Variants in RSRC1 observed in about 807,000 individuals in gnomAD.
The protein encoded by RSRC1 is arginine and serine rich coiled-coil 1.
A neutral mutation model predicts 49.1 loss-of-function variants in RSRC1; 39 were observed. That is an observed-to-expected ratio of 0.79 (90% confidence interval 0.61 to 1.04). The LOEUF (loss-of-function observed/expected upper bound fraction) is 1.04, where lower values mean the gene tolerates loss of function less well. Ranked by LOEUF, RSRC1 falls within the 50% of genes least tolerant of loss-of-function variation. The probability of loss-of-function intolerance (pLI) is 0.00; values close to 1 mark genes in which losing one functional copy is unlikely to be tolerated. For synonymous variants in RSRC1, 143 were observed against 130.8 expected (o/e 1.09, Z -0.63); for missense variants, 388 against 402.4 (o/e 0.96, Z 0.31).
chr3:158,276,538 G>A (rs1193505), intron 4 of RSRC1: 231,908 of 533,632 alleles, frequency 0.43, 52,055 homozygotes, highest in East Asian at 0.62. Context: ...CTCTCAGTTT[G>A]TAAAGAGTTG....
intron 3 of RSRC1, among the ~76,000 whole-genome samples, chr3:158,198,304 G>C (rs1450488541): frequency 6.6e-6 from 1 of 152,042 alleles, no homozygotes; most frequent in Non-Finnish European, 1.5e-5. Context: ...TCAGAGACTA[G>C]GATTGCAACC....
chr3:158,297,029 C>A (rs1425027686), intron 4 of RSRC1, among the ~76,000 whole-genome samples: 4 of 151,878 alleles, frequency 2.6e-5, no homozygotes, highest in African/African-American at 9.6e-5. Context: ...AAGTTGAGAC[C>A]CCTCAGAGAA....
intron 6 of RSRC1, among the ~76,000 whole-genome samples, chr3:158,407,240 G>C (rs531381519): frequency 1.3e-5 from 2 of 152,072 alleles, no homozygotes; most frequent in Admixed American, 1.3e-4. Flanking sequence ...AGAAACACAG[G>C]CTCCAAATGC....
At position 158,344,916 on chromosome 3, in the gene RSRC1, CA is replaced by C. The variant is rs551057952; in HGVS notation, c.532-9940del. 1.1e-3 allele frequency among the ~76,000 whole-genome samples: 161 copies of C among 152,084 alleles called. 1 individual carries two copies. The highest frequency in any genetic ancestry group is 3.6e-3 in the African/African-American group (151 of 41,496). On this transcript the variant is annotated intron_variant, in intron 5 of 9. Transcript: ENST00000611884. Reference sequence around the variant, plus strand: ...TAAGCCAACAAGGAATATAAAATAGCATTATAAAATACCCAATCTAGGCCAG... The same window carrying C: ...TAAGCCAACAAGGAATATAAAATAGCTTATAAAATACCCAATCTAGGCCAG...
intron 4 of RSRC1, among the ~76,000 whole-genome samples, chr3:158,219,468 A>G (rs1019792996): frequency 4.6e-5 from 7 of 151,622 alleles, no homozygotes; most frequent in African/African-American, 1.2e-4. Flanking sequence ...AATTACATTT[A>G]TTAGTTTTTT....
chr3:158,242,726 T>C lies in RSRC1; in HGVS notation c.494+39481T>C, dbSNP rs574442209. Among the ~76,000 whole-genome samples, 40 of 151,410 alleles carry C rather than the reference T, an allele frequency of 2.6e-4. 1 individual carries two copies. Among genetic ancestry groups the C allele is most frequent in the East Asian group, 7.8e-4 (4 of 5,152 alleles). Reference sequence around the variant, plus strand: ...GCCAGCTTCTGTTTTTGTTTTTTTTTCCCCCCTTTTAATAAGCTATTCTAA... The same window carrying C: ...GCCAGCTTCTGTTTTTGTTTTTTTTCCCCCCCTTTTAATAAGCTATTCTAA... On this transcript the variant is annotated intron_variant, in intron 4 of 9. Transcript: ENST00000611884.
chr3:158,157,690 C>T (rs145537283), intron 3 of RSRC1, among the ~76,000 whole-genome samples: 56 of 152,204 alleles, frequency 3.7e-4, no homozygotes, highest in African/African-American at 1.1e-3. Context: ...CCAAGGCAGG[C>T]GGATCACCTG....
intron 5 of RSRC1, among the ~76,000 whole-genome samples, chr3:158,338,056 G>A (rs1730018107): frequency 6.6e-6 from 1 of 152,152 alleles, no homozygotes; most frequent in South Asian, 2.1e-4. Flanking sequence ...AATAGTATTG[G>A]ATCATGAATA....
chr3:158,518,087 A>AGTAC (rs1560073567), intron 7 of RSRC1, among the ~76,000 whole-genome samples: 1 of 106,836 alleles, frequency 9.4e-6, no homozygotes, highest in African/African-American at 3.9e-5. Flanking sequence ...TATGTACGTA[A>AGTAC]GTGCGTGCGT....
intron 6 of RSRC1, among the ~76,000 whole-genome samples, chr3:158,374,752 C>CATTTTGA (rs141383413): frequency 0.52 from 78,486 of 151,042 alleles, 20,715 homozygotes; most frequent in African/African-American, 0.61. Context: ...CATAAAAGGT[C>CATTTTGA]ATTTTGAATT....
At chr3:158,322,297 C>G (rs1363943615) in intron 5 of RSRC1, among the ~76,000 whole-genome samples, 1 of 152,128 alleles carries the variant, frequency 6.6e-6, no homozygotes, top group African/African-American at 2.4e-5. Flanking sequence ...TGGGATCTTA[C>G]TATCATCCTG....
At chr3:158,514,941 C>A (rs974573716) in intron 7 of RSRC1, among the ~76,000 whole-genome samples, 6 of 151,848 alleles carry the variant, frequency 4.0e-5, no homozygotes, top group African/African-American at 1.2e-4. Context: ...GATTGCAACC[C>A]CTACCTTTTT....
At chr3:158,185,186 T>C (rs2693546) in intron 3 of RSRC1, among the ~76,000 whole-genome samples, 106,010 of 151,796 alleles carry the variant, frequency 0.7, 37,504 homozygotes, top group East Asian at 0.84. Context: ...TGCATATGGA[T>C]TTTACTATTT....
At chr3:158,157,385 CAG>C (rs1243058757) in intron 3 of RSRC1, among the ~76,000 whole-genome samples, 2 of 152,072 alleles carry the variant, frequency 1.3e-5, no homozygotes, top group Non-Finnish European at 2.9e-5. Flanking sequence ...TCACAGCAAA[CAG>C]AGTGGAACTA....
chr3:158,135,893 C>T, intron 3 of RSRC1, among the ~76,000 whole-genome samples: 1 of 152,162 alleles, frequency 6.6e-6, no homozygotes, highest in East Asian at 1.9e-4. Context: ...CACCCATGAT[C>T]TGTAATTAAT....
intron 4 of RSRC1, among the ~76,000 whole-genome samples, chr3:158,253,403 T>G (rs1224090932): frequency 6.6e-6 from 1 of 152,218 alleles, no homozygotes; most frequent in Admixed American, 6.5e-5. Flanking sequence ...CTTTTTGATT[T>G]TTAATTTTAT....
At chr3:158,489,612 G>C (rs1296682791) in intron 7 of RSRC1, among the ~76,000 whole-genome samples, 1 of 151,684 alleles carries the variant, frequency 6.6e-6, no homozygotes, top group South Asian at 2.1e-4. Flanking sequence ...AAAAACATGG[G>C]TAGTATTTCA....
At chr3:158,395,568 A>C (rs1733568151) in intron 6 of RSRC1, among the ~76,000 whole-genome samples, 1 of 152,158 alleles carries the variant, frequency 6.6e-6, no homozygotes, top group Non-Finnish European at 1.5e-5. Context: ...CAACAAGTAC[A>C]CAAAAATGTG....
At chr3:158,240,000 G>A (rs913095389) in intron 4 of RSRC1, among the ~76,000 whole-genome samples, 3 of 152,022 alleles carry the variant, frequency 2.0e-5, no homozygotes, top group African/African-American at 4.8e-5. Context: ...GAATTACATC[G>A]TATCTGTAGA....
Sources: allele counts gnomAD v4.1 joint callset (sites outside exome capture counted in the v4.1 genomes callset), GRCh38; gene constraint gnomAD v4.1.1; transcripts MANE v1.5; gene names NCBI Gene and HGNC (gene_info 2026-07-23, HGNC 2026-07-21).